Variants in KCNK13 observed in about 807,000 individuals in gnomAD.
KCNK13 encodes potassium channel subfamily K member 13.
A neutral mutation model predicts 23.4 loss-of-function variants in KCNK13; 12 were observed. The observed-to-expected ratio is 0.51, with a 90% CI of 0.33 to 0.83. The LOEUF (loss-of-function observed/expected upper bound fraction) is 0.83. KCNK13 is among the 40% of genes least tolerant of loss of function. The probability of loss-of-function intolerance (pLI) is 0.02; values close to 1 mark genes in which losing one functional copy is unlikely to be tolerated. For missense variants in KCNK13, 463 were observed against 556.3 expected (o/e 0.83, Z 1.69); for synonymous variants, 231 against 229.5 (o/e 1.01, Z -0.06).
chr14:90,180,419 T>C (rs1890471790), intron 1 of KCNK13, among the ~76,000 whole-genome samples: 1 of 152,182 alleles, frequency 6.6e-6, no homozygotes, highest in Non-Finnish European at 1.5e-5. Context: ...CCTGCATTAT[T>C]AGCTTACTTA....
intron 1 of KCNK13, among the ~76,000 whole-genome samples, chr14:90,137,450 A>AC (rs1889952066): frequency 6.6e-6 from 1 of 151,988 alleles, no homozygotes; most frequent in African/African-American, 2.4e-5. Flanking sequence ...CCTCCCGAGT[A>AC]GCTGGGATTA....
At position 90,184,107 on chromosome 14, in the gene KCNK13, G is replaced by A. The variant is rs202041965; in HGVS notation, c.335-4G>A. 2.5e-6 allele frequency: 4 copies of A among 1,609,090 alleles called. No homozygotes were observed. In the African/African-American group the frequency reaches 5.3e-5, roughly 22 times the overall value. On this transcript the variant is annotated splice_region_variant and splice_polypyrimidine_tract_variant and intron_variant, in intron 1 of 1. Transcript: ENST00000282146. This position sits in a 1 kb window ranked among gnomAD's most constrained non-coding sequence, Gnocchi z 5.6. ...TACTCTTCTCTCATTTTTCTCTCCTGCAGGGTTTGGGATGACAACTCCGGC... is the reference window on the plus strand; with the variant it reads ...TACTCTTCTCTCATTTTTCTCTCCTACAGGGTTTGGGATGACAACTCCGGC...
intron 1 of KCNK13, among the ~76,000 whole-genome samples, chr14:90,100,645 G>T (rs1194446715): frequency 6.6e-6 from 1 of 152,156 alleles, no homozygotes; most frequent in South Asian, 2.1e-4. Flanking sequence ...TCGAAAAATA[G>T]TCTGAAGACC....
intron 1 of KCNK13, among the ~76,000 whole-genome samples, chr14:90,111,425 A>G (rs1889614312): frequency 6.6e-6 from 1 of 152,016 alleles, no homozygotes; most frequent in South Asian, 2.1e-4. Context: ...GCTCTAGGAG[A>G]TGTGGTTGAT....
At chr14:90,107,573 T>C (rs2140410264) in intron 1 of KCNK13, 2 of 479,826 alleles carry the variant, frequency 4.2e-6, no homozygotes, top group South Asian at 4.6e-5. Flanking sequence ...TGTGCAAAAG[T>C]AAAGAGTGTG....
chr14:90,170,745 G>A lies in KCNK13; in HGVS notation c.335-13366G>A, dbSNP rs373006013. ...TACATAAGATGACGTAAACAAATGG[G>A]GCAGAGGAAAAATGCAGGGAATCTG... is the stretch of plus-strand genomic sequence containing the variant. On this transcript the variant is annotated intron_variant, in intron 1 of 1. Coordinates refer to ENST00000282146, the MANE Select transcript of KCNK13 (RefSeq NM_022054.4). 3.9e-4 allele frequency among the ~76,000 whole-genome samples: 60 copies of A among 152,232 alleles called. No homozygotes were observed. In the South Asian group the frequency reaches 0.012, roughly 30 times the overall value.
At chr14:90,114,242 C>T (rs1184312102) in intron 1 of KCNK13, among the ~76,000 whole-genome samples, 1 of 152,138 alleles carries the variant, frequency 6.6e-6, no homozygotes, top group Non-Finnish European at 1.5e-5. Context: ...TCTGCCCCTC[C>T]CCACGTATCT....
At chr14:90,179,789 T>C (rs1370154250) in intron 1 of KCNK13, among the ~76,000 whole-genome samples, 1 of 152,216 alleles carries the variant, frequency 6.6e-6, no homozygotes, top group Non-Finnish European at 1.5e-5. Flanking sequence ...CTGAAATGCA[T>C]GGGGCATAAC....
intron 1 of KCNK13, among the ~76,000 whole-genome samples, chr14:90,173,916 C>T (rs1005783846): frequency 2.1e-4 from 32 of 152,134 alleles, no homozygotes; most frequent in African/African-American, 6.5e-4. Flanking sequence ...CTGAGAAGGC[C>T]TCAGGAAACT....
chr14:90,130,909 A>C (rs1889862053), intron 1 of KCNK13, among the ~76,000 whole-genome samples: 2 of 152,174 alleles, frequency 1.3e-5, no homozygotes, highest in Non-Finnish European at 2.9e-5. Flanking sequence ...GTATGGTGGG[A>C]ACCGTATCAG....
At chr14:90,079,497 G>T (rs373736457) in intron 1 of KCNK13, among the ~76,000 whole-genome samples, 16 of 152,112 alleles carry the variant, frequency 1.1e-4, no homozygotes, top group African/African-American at 3.6e-4. Context: ...GGGTAGAGGG[G>T]CCTACACCAC....
chr14:90,088,250 A>G (rs1323395916), intron 1 of KCNK13, among the ~76,000 whole-genome samples: 2 of 152,178 alleles, frequency 1.3e-5, no homozygotes, highest in African/African-American at 4.8e-5. Flanking sequence ...AGAAATTGCC[A>G]CTGGCCTTGG....
intron 1 of KCNK13, among the ~76,000 whole-genome samples, chr14:90,102,086 T>A (rs959691409): frequency 1.3e-5 from 2 of 152,084 alleles, no homozygotes; most frequent in African/African-American, 2.4e-5. Flanking sequence ...TTTCTCCATG[T>A]TGGCCAGGCT....
At chr14:90,119,740 C>T (rs749021218) in intron 1 of KCNK13, among the ~76,000 whole-genome samples, 2 of 152,126 alleles carry the variant, frequency 1.3e-5, no homozygotes, top group Non-Finnish European at 2.9e-5. Context: ...GCTAGGATTA[C>T]AGGCACCCAA....
intron 1 of KCNK13, among the ~76,000 whole-genome samples, chr14:90,101,801 A>AAAAAAAAAAAAAC (rs1889482805): frequency 6.7e-6 from 1 of 150,058 alleles, no homozygotes; most frequent in African/African-American, 2.4e-5. Context: ...AAAAAAAAAA[A>AAAAAAAAAAAAAC]AAAAAAAAAA....
intron 1 of KCNK13, among the ~76,000 whole-genome samples, chr14:90,082,724 A>G (rs151081517): frequency 7.4e-4 from 113 of 152,318 alleles, no homozygotes; most frequent in Non-Finnish European, 1.5e-3. Context: ...GAATAATACC[A>G]TACAATGTCG....
chr14:90,161,266 T>C (rs535110090), intron 1 of KCNK13, among the ~76,000 whole-genome samples: 2 of 152,264 alleles, frequency 1.3e-5, no homozygotes, highest in South Asian at 2.1e-4. Flanking sequence ...AGTTTATAGA[T>C]AGACAGTAGA....
intron 1 of KCNK13, among the ~76,000 whole-genome samples, chr14:90,145,064 T>G (rs961189367): frequency 2.0e-5 from 3 of 151,272 alleles, no homozygotes; most frequent in Non-Finnish European, 2.9e-5. Context: ...TTACATGGGG[T>G]TTTTTTTTAG....
intron 1 of KCNK13, among the ~76,000 whole-genome samples, chr14:90,140,895 GT>G (rs1233468739): frequency 2.0e-5 from 3 of 152,198 alleles, no homozygotes; most frequent in Admixed American, 6.5e-5. Flanking sequence ...AAGGCAACAT[GT>G]GGCAGAGGGG....
Sources: gnomAD v4.1 joint callset for allele counts (sites outside exome capture counted in the v4.1 genomes callset) on GRCh38, gnomAD v4.1.1 for gene constraint, Gnocchi (gnomAD v3.1) non-coding constraint, MANE v1.5 for transcripts, NCBI Gene and HGNC (gene_info 2026-07-23, HGNC 2026-07-21) for gene names.